CADM3: variants seen among roughly 807,000 people sequenced by gnomAD.
CADM3 encodes the protein TSLC1-like 1.
A neutral mutation model predicts 44.9 loss-of-function variants in CADM3; 11 were observed. The observed-to-expected ratio is 0.25, with a 90% confidence interval of 0.15 to 0.41. The LOEUF (loss-of-function observed/expected upper bound fraction) is 0.41. CADM3 is among the 10% of genes least tolerant of loss of function. The pLI, the probability that CADM3 is intolerant of heterozygous loss-of-function variation, is 1.00. For missense variants in CADM3, 426 were observed against 512.0 expected, an observed-to-expected ratio of 0.83 and a Z score of 1.62; for synonymous variants, 207 against 205.2, an observed-to-expected ratio of 1.01 and a Z score of -0.08.
At chr1:159,195,809 T>C (rs1557937976) in intron 5 of CADM3, 1 of 152,406 alleles carries the variant, frequency 6.6e-6, no homozygotes, top group Non-Finnish European at 1.5e-5. Context: ...CCATTCTTCC[T>C]TCACAGAGCC....
chr1:159,196,776 T>G, intron 6 of CADM3, 115 bp from the exon 7 acceptor site: 1 of 1,086,552 alleles, frequency 9.2e-7, no homozygotes, highest in Non-Finnish European at 1.3e-6. Flanking sequence ...GCCCCGATAA[T>G]TTCTCCAGCC....
At chr1:159,190,541 T>A (rs1649612638) in intron 1 of CADM3, among the ~76,000 whole-genome samples, 1 of 152,228 alleles carries the variant, frequency 6.6e-6, no homozygotes, top group Non-Finnish European at 1.5e-5. Flanking sequence ...TCAGTTCTAC[T>A]AATTTTTACA....
intron 1 of CADM3, among the ~76,000 whole-genome samples, chr1:159,184,311 C>T (rs530770978): frequency 2.3e-4 from 35 of 152,316 alleles, no homozygotes; most frequent in Admixed American, 1.2e-3. Flanking sequence ...TGGGCCGCAG[C>T]CCCCAATATG....
At chr1:159,189,464 C>T (rs1649557984) in intron 1 of CADM3, among the ~76,000 whole-genome samples, 2 of 152,216 alleles carry the variant, frequency 1.3e-5, no homozygotes, top group African/African-American at 2.4e-5. Flanking sequence ...TCATTGTCCT[C>T]ATCTGCGAAG....
Position 159,192,216 on chromosome 1 carries a change from G to A in CADM3, c.229+140G>A. 6 of 896,914 alleles carry A rather than the reference G, an allele frequency of 6.7e-6. No homozygotes were observed. In the South Asian group the frequency reaches 8.6e-5, roughly 13 times the overall value. 55.6% of individuals were successfully genotyped at this position (896,914 alleles called of 1,614,324 possible). A position where few individuals can be genotyped will look rare whatever the true frequency, so the allele number is the denominator to read the frequency against. The stretch of plus-strand genomic sequence containing the variant: ...TGTTTGAGGATGTAACAAGCCATGA[G>A]TTCCCCAACTGGTTCCAGTATTGCA... On this transcript the variant is annotated intron_variant, in intron 2 of 8. Coordinates refer to ENST00000368125, the MANE Select transcript of CADM3 (RefSeq NM_001127173.3).
At chr1:159,192,823 G>A (rs1356641021) in intron 3 of CADM3, 93 bp downstream of exon 3, 2 of 1,319,122 alleles carry the variant, frequency 1.5e-6, no homozygotes, top group Non-Finnish European at 2.1e-6. Context: ...AGCCAGGCAA[G>A]TCTCCAAGCA....
Position 159,193,132 on chromosome 1 carries a change from G to A in CADM3, c.383-291G>A, listed in dbSNP as rs2852717. 0.09 allele frequency among the ~76,000 whole-genome samples: 13,735 copies of A among 152,032 alleles called. 1,808 individuals carry two copies. The highest frequency in any genetic ancestry group is 0.29 in the African/African-American group (11,998 of 41,422). On this transcript the variant is annotated intron_variant, in intron 3 of 8. Coordinates refer to ENST00000368125, the MANE Select transcript of CADM3 (RefSeq NM_001127173.3). Reference sequence around the variant, plus strand: ...CCTATATTTCAACTTCCTTCTTTGCGTCTCTGAGACTCACACTATTTCTGT... The same window carrying A: ...CCTATATTTCAACTTCCTTCTTTGCATCTCTGAGACTCACACTATTTCTGT...
chr1:159,177,427 G>A (rs1378170479), intron 1 of CADM3, among the ~76,000 whole-genome samples: 1 of 152,170 alleles, frequency 6.6e-6, no homozygotes, highest in Non-Finnish European at 1.5e-5. Flanking sequence ...TCTTTATGGA[G>A]CAAACTATTA....
intron 5 of CADM3, chr1:159,194,289 G>A (rs979002687): frequency 2.1e-5 from 9 of 419,054 alleles, no homozygotes; most frequent in Admixed American, 2.0e-4. Context: ...TTGTAGGGAC[G>A]CAGTCATAGA....
At chr1:159,191,797 A>G (rs534646314) in intron 1 of CADM3, 139 bp from the exon 2 acceptor site, 8 of 946,158 alleles carry the variant, frequency 8.5e-6, no homozygotes, top group African/African-American at 1.6e-5. Context: ...TCCTTCCCCC[A>G]TGAAACCTTA....
chr1:159,193,389 C>G (rs1354466438), intron 3 of CADM3, 34 bp from the exon 4 acceptor site: 1 of 1,559,492 alleles, frequency 6.4e-7, no homozygotes, highest in Non-Finnish European at 8.7e-7. Context: ...TGGGGCCTCT[C>G]CTTCCTATCC....
At chr1:159,184,612 G>GT (rs1649349568) in intron 1 of CADM3, among the ~76,000 whole-genome samples, 1 of 152,200 alleles carries the variant, frequency 6.6e-6, no homozygotes, top group Non-Finnish European at 1.5e-5. Context: ...GTTTATGGCT[G>GT]TAAGGCCAAT....
intron 1 of CADM3, among the ~76,000 whole-genome samples, chr1:159,186,996 T>G (rs1649443446): frequency 6.6e-6 from 1 of 152,214 alleles, no homozygotes; most frequent in Non-Finnish European, 1.5e-5. Context: ...TCTACATCAC[T>G]ATTTCACTTA....
chr1:159,196,877 G>T lies in CADM3; in HGVS notation c.783-14G>T. 6.2e-7 allele frequency: 1 copy of T among 1,609,804 alleles called. No individual in the cohort carries two copies. The highest frequency in any genetic ancestry group is 8.5e-7 in the Non-Finnish European group (1 of 1,178,236). On this transcript the variant is annotated splice_polypyrimidine_tract_variant and intron_variant, in intron 6 of 8. Transcript: ENST00000368125. ...ATGCTCTCCTGAGCTCTTCTGATTT[G>T]TCTGCCTCGACAGCCCCCAGCAGTA...
intron 1 of CADM3, 132 bp downstream of exon 1, chr1:159,171,985 T>C: frequency 4.3e-6 from 2 of 468,520 alleles, no homozygotes; most frequent in South Asian, 1.2e-4. Context: ...CCGCTGCTAA[T>C]ACCCTTGTGT....
Position 159,200,897 on chromosome 1 carries a change from A to G in CADM3, c.1172A>G (p.Asp391Gly), listed in dbSNP as rs1390654568. Residue 391 changes from aspartate (D) to glycine (G), a missense_variant, in exon 9 of 9, where the codon GAC becomes GGC. Physicochemically the swap from Asp to Gly is moderately conservative, Grantham distance 94 (BLOSUM62 -1). Coordinates refer to ENST00000368125, the MANE Select transcript of CADM3 (RefSeq NM_001127173.3). ...INAEGGQSGG[D>G]DKKEYFI ...GCAGAAGGCGGGCAGTCAGGAGGGG[A>G]CGACAAGAAGGAATATTTCATCTAG... The G allele has an allele frequency of 5.0e-6, 8 of 1,606,998 alleles. No individual in the cohort carries two copies. The highest frequency in any genetic ancestry group is 6.8e-6 in the Non-Finnish European group (8 of 1,176,706).
chr1:159,193,934 A>G lies in CADM3; in HGVS notation c.585A>G (p.Thr195=). 1 of 1,614,192 alleles carries G rather than the reference A, an allele frequency of 6.2e-7. No homozygotes were observed. The highest frequency in any genetic ancestry group is 8.5e-7 in the Non-Finnish European group (1 of 1,180,022). The stretch of plus-strand genomic sequence containing the variant: ...CCTTCACTGTCAGCAGCTCGGTGAC[A>G]TTCCAGGTTACCCGGGAGGATGATG... ...GKTFTVSSSV[T]FQVTREDDGA... The change falls in exon 5 of 9, where the codon ACA becomes ACG. Residue 195 remains threonine (T), a synonymous_variant. Coordinates refer to ENST00000368125, the MANE Select transcript of CADM3 (RefSeq NM_001127173.3).
chr1:159,175,331 T>C (rs937275885), intron 1 of CADM3, among the ~76,000 whole-genome samples: 13 of 152,238 alleles, frequency 8.5e-5, no homozygotes, highest in African/African-American at 3.1e-4. Context: ...GTTAATTCCA[T>C]GAAGAATCAG....
chr1:159,191,921 C>G lies in CADM3; in HGVS notation c.89-15C>G, dbSNP rs777967591. 1.2e-6 allele frequency: 2 copies of G among 1,613,868 alleles called. No homozygotes were observed. Among genetic ancestry groups the G allele is most frequent in the Non-Finnish European group, 1.7e-6 (2 of 1,179,950 alleles). ...TAGGGGTCCTCAGGAAACTAACACT[C>G]TTCTACTCCTGCAGACAGCCAGCCC... On this transcript the variant is annotated splice_polypyrimidine_tract_variant and intron_variant, in intron 1 of 8. Transcript: ENST00000368125.
Sources: allele counts gnomAD v4.1 joint callset (sites outside exome capture counted in the v4.1 genomes callset), GRCh38; gene constraint gnomAD v4.1.1; transcripts MANE v1.5; gene names NCBI Gene and HGNC (gene_info 2026-07-23, HGNC 2026-07-21).